The following DDIAS variants were observed in gnomAD, a reference collection of about 807,000 sequenced individuals.
DDIAS encodes DNA damage-induced apoptosis suppressor protein.
Under a neutral mutation model 15.7 loss-of-function variants are expected in DDIAS, and 14 were observed. That is an observed-to-expected ratio of 0.89 (90% CI 0.59 to 1.39). The LOEUF (loss-of-function observed/expected upper bound fraction) is 1.39. Ranked by LOEUF, DDIAS falls within the 40% of genes most tolerant of loss-of-function variation. The pLI is 0.00. For missense variants in DDIAS, 1,035 were observed against 1,130.9 expected (o/e 0.92, Z 1.22); for synonymous variants, 355 against 395.9 (o/e 0.90, Z 1.23).
At chr11:82,913,839 TAATG>T in intron 2 of DDIAS, 4 of 391,238 alleles carry the variant, frequency 1.0e-5, no homozygotes, top group South Asian at 7.6e-5. Context: ...TGCACATAAT[TAATG>T]AGATGCAGGA....
chr11:82,934,469 A>G lies in DDIAS; in HGVS notation c.*134A>G. The G allele has an allele frequency of 1.2e-6, 1 of 860,090 alleles. No homozygotes were observed. Among genetic ancestry groups the G allele is most frequent in the East Asian group, 2.7e-5 (1 of 36,486 alleles). 53.3% of individuals were successfully genotyped at this position (860,090 alleles called of 1,614,324 possible). On this transcript the variant is annotated 3_prime_UTR_variant, in exon 6 of 6. Transcript: ENST00000533655. Reference sequence around the variant, plus strand: ...TGAAAACAGGACTCTGCTGGGAGCTACTGTGCCTTTTAAAATATAAAGCCA... The same window carrying G: ...TGAAAACAGGACTCTGCTGGGAGCTGCTGTGCCTTTTAAAATATAAAGCCA...
At position 82,934,143 on chromosome 11, in the gene DDIAS, TAA is replaced by T. The variant is rs1565253289; in HGVS notation, c.2807_2808del (p.Lys936IlefsTer2). On this transcript the variant is annotated frameshift_variant, in exon 6 of 6. Coordinates refer to ENST00000533655, the MANE Select transcript of DDIAS (RefSeq NM_145018.4). LOFTEE classifies it low-confidence loss of function (END_TRUNC). ...CAGTTGTTACGAAAAAGAAAACTCA[TAA>T]ATATAACTGTAAAAGTTCAGGCTGG... Reference protein sequence around the residue: ...AAVVTKKKTHKYNCKSSGWIS... With the variant: ...AAVVTKKKTHXYNCKSSGWIS... 1.2e-6 allele frequency: 2 copies of T among 1,611,908 alleles called. No homozygotes were observed. Among genetic ancestry groups the T allele is most frequent in the Non-Finnish European group, 1.7e-6 (2 of 1,179,568 alleles).
chr11:82,911,926 G>A (rs1276385976), intron 1 of DDIAS, among the ~76,000 whole-genome samples: 4 of 152,248 alleles, frequency 2.6e-5, no homozygotes, highest in Non-Finnish European at 4.4e-5. Flanking sequence ...GCTCTTGGGT[G>A]ACCAGGTGCG....
At chr11:82,914,007 G>A in intron 2 of DDIAS, 1 of 418,046 alleles carries the variant, frequency 2.4e-6, no homozygotes, top group South Asian at 1.7e-5. Context: ...TGCAATCTCG[G>A]CTCACTGCAA....
chr11:82,930,216 T>G lies in DDIAS; in HGVS notation c.335T>G (p.Leu112Arg). 3 of 1,605,562 alleles carry G rather than the reference T, an allele frequency of 1.9e-6. No individual in the cohort carries two copies. Among genetic ancestry groups the G allele is most frequent in the Middle Eastern group, 3.3e-4 (2 of 6,024 alleles). Residue 112 changes from leucine (L) to arginine (R), a missense_variant, in exon 5 of 6, where the codon CTA (leucine) becomes CGA (arginine). By Grantham distance (102) the Leu-to-Arg change is moderately radical. Transcript: ENST00000533655. The stretch of plus-strand genomic sequence containing the variant: ...CTGGACAATGATACAACTCAGAATC[T>G]ATTAACTAAAGCAGTTGAAACTTGC... Reference protein sequence around the residue: ...ETLDNDTTQNLLTKAVETCFV... With the variant: ...ETLDNDTTQNRLTKAVETCFV...
chr11:82,926,625 T>G (rs904497750), intron 3 of DDIAS, among the ~76,000 whole-genome samples: 1 of 152,204 alleles, frequency 6.6e-6, no homozygotes, highest in African/African-American at 2.4e-5. Context: ...AAGGTACATC[T>G]GCATCAGTAT....
chr11:82,902,507 A>C (rs1455635867), intron 1 of DDIAS, among the ~76,000 whole-genome samples: 3 of 151,770 alleles, frequency 2.0e-5, no homozygotes, highest in Non-Finnish European at 4.4e-5. Flanking sequence ...CCCATTGAAA[A>C]CCTTTCAGTC....
At chr11:82,926,324 A>G (rs1193555171) in intron 3 of DDIAS, among the ~76,000 whole-genome samples, 4 of 152,024 alleles carry the variant, frequency 2.6e-5, no homozygotes, top group Non-Finnish European at 5.9e-5. Flanking sequence ...CCTGAGCTTG[A>G]GTGGTCTGCC....
intron 3 of DDIAS, among the ~76,000 whole-genome samples, chr11:82,916,652 A>T (rs1356831227): frequency 6.6e-6 from 1 of 152,188 alleles, no homozygotes; most frequent in Non-Finnish European, 1.5e-5. Context: ...ATTGTTACTT[A>T]TTTAGACGGG....
At chr11:82,926,656 A>C (rs1860868944) in intron 3 of DDIAS, among the ~76,000 whole-genome samples, 1 of 152,218 alleles carries the variant, frequency 6.6e-6, no homozygotes, top group Non-Finnish European at 1.5e-5. Context: ...CTTATTAAAA[A>C]TGCAGGATCT....
At chr11:82,923,376 C>A (rs985233407) in intron 3 of DDIAS, among the ~76,000 whole-genome samples, 1 of 152,296 alleles carries the variant, frequency 6.6e-6, no homozygotes, top group East Asian at 1.9e-4. Context: ...TTCATTTCCC[C>A]ATTGCTATAG....
intron 1 of DDIAS, among the ~76,000 whole-genome samples, chr11:82,904,156 T>C (rs148187047): frequency 1.3e-5 from 2 of 152,364 alleles, no homozygotes; most frequent in Admixed American, 6.5e-5. Flanking sequence ...AACTGGATTA[T>C]GAACTTTAAG....
intron 1 of DDIAS, among the ~76,000 whole-genome samples, chr11:82,907,487 C>T (rs1357633168): frequency 6.6e-6 from 1 of 152,178 alleles, no homozygotes; most frequent in Non-Finnish European, 1.5e-5. Flanking sequence ...ATGGCGTCTG[C>T]CTACTCTGTT....
At chr11:82,930,882 G>A (rs1023837072) in intron 5 of DDIAS, among the ~76,000 whole-genome samples, 11 of 152,154 alleles carry the variant, frequency 7.2e-5, no homozygotes, top group African/African-American at 2.4e-4. Flanking sequence ...ACAGAAGAGT[G>A]AGAAAAATCC....
rs762675354 is a variant in DDIAS, at chr11:82,934,212, G to A, written c.2874G>A (p.Gln958=). ...ACATTCAAGTCTTAGCAGCACCTCA[G>A]CTGCACCCTATTCTTGGACCTGATT... The part of the protein sequence containing the change: ...CPDIQVLAAP[Q]LHPILGPDSC... The change falls in exon 6 of 6, where the codon CAG becomes CAA. Residue 958 remains glutamine, a synonymous_variant. Coordinates refer to ENST00000533655, the MANE Select transcript of DDIAS (RefSeq NM_145018.4). The A allele has an allele frequency of 6.2e-7, 1 of 1,614,184 alleles. No individual in the cohort carries two copies. The highest frequency in any genetic ancestry group is 2.2e-5 in the East Asian group (1 of 44,892).
rs188752909 is a variant in DDIAS at position 82,921,669 on chromosome 11, C to G, written c.113+6818C>G. ...CTCGTCTCACTGCACCCTCCGCCCC[C>G]CCAGGTTCAAGCAATTCTCCTGCCT... On this transcript the variant is annotated intron_variant, in intron 3 of 5. Coordinates refer to ENST00000533655, the MANE Select transcript of DDIAS (RefSeq NM_145018.4). 2.4e-3 allele frequency among the ~76,000 whole-genome samples: 363 copies of G among 151,096 alleles called. 8 individuals carry two copies. Among genetic ancestry groups the G allele is most frequent in the African/African-American group, 8.2e-3 (336 of 41,156 alleles).
At chr11:82,910,415 T>A (rs1460852109) in intron 1 of DDIAS, among the ~76,000 whole-genome samples, 1 of 151,062 alleles carries the variant, frequency 6.6e-6, no homozygotes, top group Non-Finnish European at 1.5e-5. Flanking sequence ...GTAGCTGGGA[T>A]TACAGGTGCA....
chr11:82,924,376 G>A (rs767642477), intron 3 of DDIAS, among the ~76,000 whole-genome samples: 11 of 152,152 alleles, frequency 7.2e-5, no homozygotes, highest in African/African-American at 1.7e-4. Context: ...GTAGAATATC[G>A]TGTTCATATC....
rs1861079013 is a variant in DDIAS, at chr11:82,934,504, C to G, written c.*169C>G. On this transcript the variant is annotated 3_prime_UTR_variant, in exon 6 of 6. Coordinates refer to ENST00000533655, the MANE Select transcript of DDIAS (RefSeq NM_145018.4). Reference sequence around the variant, plus strand: ...TTAAAATATAAAGCCATTGTTTTCCCCAGGGTTTTATCTAGAATACTATGA... The same window carrying G: ...TTAAAATATAAAGCCATTGTTTTCCGCAGGGTTTTATCTAGAATACTATGA... 1 of 621,600 alleles carries G rather than the reference C, an allele frequency of 1.6e-6. No homozygotes were observed. The highest frequency in any genetic ancestry group is 2.6e-6 in the Non-Finnish European group (1 of 387,664). 38.5% of individuals were successfully genotyped at this position (621,600 alleles called of 1,614,324 possible).
Sources: allele counts gnomAD v4.1 joint callset (sites outside exome capture counted in the v4.1 genomes callset), GRCh38; gene constraint gnomAD v4.1.1; transcripts MANE v1.5; gene names NCBI Gene and HGNC (gene_info 2026-07-23, HGNC 2026-07-21).